CSMD1: variants seen among roughly 807,000 people sequenced by gnomAD.
CSMD1 encodes the protein CUB and Sushi multiple domains 1.
CSMD1 carries 213 observed loss-of-function variants against 417.5 expected under a neutral mutation model. That is an observed-to-expected ratio of 0.51 (90% confidence interval 0.46 to 0.57). The LOEUF (loss-of-function observed/expected upper bound fraction) is 0.57, where lower values mean the gene tolerates loss of function less well. CSMD1 is among the 20% of genes least tolerant of loss of function. The pLI is 0.00. For missense variants in CSMD1, 6,923 were observed against 4,529.7 expected (o/e 1.53, Z -15.17); for synonymous variants, 2,862 against 1,736.8 (o/e 1.65, Z -16.11).
At chr8:4,096,551 CGATT>C (rs1563118799) in intron 3 of CSMD1, among the ~76,000 whole-genome samples, 1 of 150,132 alleles carries the variant, frequency 6.7e-6, no homozygotes, top group East Asian at 1.9e-4. Flanking sequence ...CCTTTCTTAA[CGATT>C]GATAATGCAC....
intron 1 of CSMD1, among the ~76,000 whole-genome samples, chr8:4,654,992 A>G (rs1804138040): frequency 6.6e-6 from 1 of 151,094 alleles, no homozygotes; most frequent in South Asian, 2.1e-4. Context: ...ATAACTAACC[A>G]TTGTTTGAAA....
intron 7 of CSMD1, among the ~76,000 whole-genome samples, chr8:3,707,522 C>A (rs530051633): frequency 7.9e-5 from 12 of 152,330 alleles, no homozygotes; most frequent in African/African-American, 1.9e-4. Context: ...ACGGCCCCTA[C>A]AGGAAGTCAA....
chr8:2,966,024 A>C lies in CSMD1; in HGVS notation c.9101-70T>G, dbSNP rs576296806. On this transcript the variant is annotated intron_variant, in intron 58 of 69. Coordinates refer to ENST00000635120, the MANE Select transcript of CSMD1 (RefSeq NM_033225.6). ...ATGAAATGAATTAGTCACCATTTCT[A>C]TTCAAGATACTCTCTCTGAGTTGCT... 265 of 1,333,924 alleles carry C rather than the reference A, an allele frequency of 2.0e-4. 1 individual carries two copies. Among genetic ancestry groups the C allele is most frequent in the Non-Finnish European group, 2.5e-4 (242 of 953,480 alleles). 82.6% of individuals were successfully genotyped at this position (1,333,924 alleles called of 1,614,324 possible). A position where few individuals can be genotyped will look rare whatever the true frequency, so the allele number is the denominator to read the frequency against.
chr8:4,616,124 A>G (rs1489782184), intron 2 of CSMD1, among the ~76,000 whole-genome samples: 1 of 152,196 alleles, frequency 6.6e-6, no homozygotes, highest in Non-Finnish European at 1.5e-5. Context: ...TTCCTATAAC[A>G]TACTCCCTTT....
chr8:4,224,043 A>G (rs1321011543), intron 3 of CSMD1, among the ~76,000 whole-genome samples: 2 of 152,146 alleles, frequency 1.3e-5, no homozygotes, highest in African/African-American at 4.8e-5. Context: ...CAAAACATGC[A>G]TACGTAACCC....
intron 4 of CSMD1, among the ~76,000 whole-genome samples, chr8:4,028,319 G>C (rs998758654): frequency 2.0e-5 from 3 of 152,072 alleles, no homozygotes; most frequent in Non-Finnish European, 2.9e-5. Context: ...CCTATAATAT[G>C]AATCTTTAAT....
chr8:3,489,079 G>C (rs1451523147), intron 11 of CSMD1, among the ~76,000 whole-genome samples: 1 of 152,146 alleles, frequency 6.6e-6, no homozygotes, highest in Non-Finnish European at 1.5e-5. Context: ...ACACACGTCT[G>C]TGCATAGTGT....
intron 7 of CSMD1, among the ~76,000 whole-genome samples, chr8:3,682,944 G>C (rs1428310075): frequency 6.6e-6 from 1 of 151,972 alleles, no homozygotes; most frequent in South Asian, 2.1e-4. Flanking sequence ...TCTATCGCAA[G>C]GACCAAAAAC....
At chr8:3,308,667 C>T (rs1263947607) in intron 23 of CSMD1, among the ~76,000 whole-genome samples, 164 bp from the exon 24 acceptor site, 2 of 148,988 alleles carry the variant, frequency 1.3e-5, no homozygotes, top group African/African-American at 5.0e-5. Flanking sequence ...TGTACTGGGG[C>T]TATTTGTTAC....
At chr8:4,252,643 C>G (rs1803157301) in intron 3 of CSMD1, among the ~76,000 whole-genome samples, 1 of 152,070 alleles carries the variant, frequency 6.6e-6, no homozygotes, top group South Asian at 2.1e-4. Flanking sequence ...GAAGTAACAC[C>G]CAGTTTAAAA....
intron 10 of CSMD1, among the ~76,000 whole-genome samples, chr8:3,528,965 G>C (rs1039092473): frequency 6.6e-6 from 1 of 152,112 alleles, no homozygotes; most frequent in African/African-American, 2.4e-5. Flanking sequence ...TGAAAAGTAT[G>C]ACAGTTGATA....
intron 5 of CSMD1, among the ~76,000 whole-genome samples, chr8:3,781,105 A>T (rs539786973): frequency 6.6e-6 from 1 of 152,312 alleles, no homozygotes; most frequent in East Asian, 1.9e-4. Context: ...AACTGTTTCA[A>T]GAAGCCAAAA....
At chr8:4,267,919 C>T (rs1327013295) in intron 3 of CSMD1, among the ~76,000 whole-genome samples, 1 of 152,038 alleles carries the variant, frequency 6.6e-6, no homozygotes, top group Non-Finnish European at 1.5e-5. Context: ...AAATAGGACT[C>T]ACTTATTCAT....
chr8:3,085,398 A>G (rs550557462), intron 49 of CSMD1, among the ~76,000 whole-genome samples: 79 of 152,356 alleles, frequency 5.2e-4, no homozygotes, highest in Non-Finnish European at 8.8e-4. Context: ...ATTTGAGAAC[A>G]AAGTCGTGTA....
At chr8:4,839,144 G>A (rs373940867) in intron 1 of CSMD1, among the ~76,000 whole-genome samples, 12 of 152,166 alleles carry the variant, frequency 7.9e-5, no homozygotes, top group South Asian at 2.1e-4. Context: ...GCTGTGTGTC[G>A]TAACTAAAAC....
chr8:4,899,628 G>C (rs78158163), intron 1 of CSMD1, among the ~76,000 whole-genome samples: 4 of 152,068 alleles, frequency 2.6e-5, no homozygotes, highest in East Asian at 3.9e-4. Context: ...TAACATATAG[G>C]GTTTTGTCTG....
At chr8:3,520,044 G>GTATATATATATATATATATATATA (rs1563116164) in intron 10 of CSMD1, among the ~76,000 whole-genome samples, 3 of 137,374 alleles carry the variant, frequency 2.2e-5, no homozygotes, top group African/African-American at 9.7e-5. Context: ...ATATATACAC[G>GTATATATATATATATATATATATA]TATAGTTGTG....
intron 3 of CSMD1, among the ~76,000 whole-genome samples, chr8:4,407,428 T>C (rs1016814744): frequency 1.3e-5 from 2 of 152,334 alleles, no homozygotes; most frequent in East Asian, 3.9e-4. Flanking sequence ...ATTCAAACAA[T>C]TGAATTAAAT....
intron 21 of CSMD1, among the ~76,000 whole-genome samples, chr8:3,358,602 T>G (rs933485542): frequency 1.3e-5 from 2 of 152,186 alleles, no homozygotes; most frequent in African/African-American, 4.8e-5. Flanking sequence ...CTGTTACTCT[T>G]CGGAATTATC....
Sources: allele counts gnomAD v4.1 joint callset (sites outside exome capture counted in the v4.1 genomes callset), GRCh38; gene constraint gnomAD v4.1.1; transcripts MANE v1.5; gene names NCBI Gene and HGNC (gene_info 2026-07-23, HGNC 2026-07-21).